Variants in TRIM17 observed in about 807,000 individuals in gnomAD.
TRIM17 encodes the protein E3 ubiquitin-protein ligase TRIM17.
A neutral mutation model predicts 35.8 loss-of-function variants in TRIM17; 27 were observed. That is an observed-to-expected ratio of 0.75 (90% CI 0.56 to 1.04). The LOEUF is 1.04. Among genes scored for constraint, TRIM17 ranks in the 50% least tolerant of loss-of-function variants. The pLI is 0.00. For missense variants in TRIM17, 582 were observed against 612.8 expected (o/e 0.95, Z 0.53); for synonymous variants, 246 against 252.6 (o/e 0.97, Z 0.25).
At chr1:228,409,619 C>G in intron 4 of TRIM17, 1 of 511,642 alleles carries the variant, frequency 2.0e-6, no homozygotes, top group South Asian at 4.0e-5. Flanking sequence ...CTCACCTAAG[C>G]TGAGCTACCC....
At chr1:228,415,428 C>G (rs1280498130) in intron 1 of TRIM17, 2 of 214,064 alleles carry the variant, frequency 9.3e-6, no homozygotes, top group Non-Finnish European at 1.9e-5. Flanking sequence ...AGACCGTTGC[C>G]GGCTAGGCCT....
Position 228,411,185 on chromosome 1 carries a change from G to A in TRIM17, c.526-9C>T. The A allele has an allele frequency of 6.3e-7, 1 of 1,596,782 alleles. No homozygotes were observed. The highest frequency in any genetic ancestry group is 2.3e-5 in the East Asian group (1 of 44,150). On this transcript the variant is annotated splice_polypyrimidine_tract_variant and intron_variant, in intron 3 of 6. Transcript: ENST00000366698. This position sits in a 1 kb window ranked among gnomAD's most constrained non-coding sequence, Gnocchi z 4.2. ...CGCTCCTTCACCTTGCCCTGCAGGA[G>A]TGGAGAAGCCCAGCATGTTGCCAGC...
Position 228,408,678 on chromosome 1 carries a change from G to A in TRIM17, c.957C>T (p.Leu319=), listed in dbSNP as rs112904039. The change falls in exon 7 of 7, where the codon CTC becomes CTT. Residue 319 remains leucine (L), a synonymous_variant. Coordinates refer to ENST00000366698, the MANE Select transcript of TRIM17 (RefSeq NM_016102.4). The surrounding 1 kb of genome is among the most constrained non-coding windows in gnomAD (Gnocchi z 6.3). ...LLYESRQRRY[L]GSSPEGSGFC... is the part of the protein sequence containing the mutation. Reference sequence around the variant, plus strand: ...ACCCACTGCCCTCCGGCGAAGAGCCGAGGTAGCGCCTCTGGCGGCTCTCAT... The same window carrying A: ...ACCCACTGCCCTCCGGCGAAGAGCCAAGGTAGCGCCTCTGGCGGCTCTCAT... The A allele has an allele frequency of 1.9e-5, 31 of 1,610,836 alleles. 1 individual carries two copies. Among genetic ancestry groups the A allele is most frequent in the African/African-American group, 1.5e-4 (11 of 75,054 alleles).
chr1:228,416,553 G>GA lies in TRIM17; in HGVS notation c.-57_-56insT. 1.0e-6 allele frequency: 1 copy of GA among 985,704 alleles called. No homozygotes were observed. Among genetic ancestry groups the GA allele is most frequent in the Non-Finnish European group, 1.2e-6 (1 of 830,302 alleles). 61.1% of individuals were successfully genotyped at this position (985,704 alleles called of 1,614,324 possible). ...GGGCTACTCACCGCGGGGAAGGGGGGCCCGCACAGCGCCTAGTGCACCTGG... is the reference window on the plus strand; with the variant it reads ...GGGCTACTCACCGCGGGGAAGGGGGGACCCGCACAGCGCCTAGTGCACCTGG... On this transcript the variant is annotated 5_prime_UTR_variant, in exon 1 of 7. Transcript: ENST00000366698.
At position 228,414,752 on chromosome 1, in the gene TRIM17, C is replaced by T; in HGVS notation, c.321G>A (p.Lys107=). The change falls in exon 2 of 7, where the codon AAG becomes AAA. Residue 107 remains lysine, a synonymous_variant. Coordinates refer to ENST00000366698, the MANE Select transcript of TRIM17 (RefSeq NM_016102.4). ...GGCTCTGGTCCTTCTGGCAGAAAAG[C>T]TTGAGGGGCTCGTGGTGCTCCTGGC... ...DLCQEHHEPL[K]LFCQKDQSPI... is the part of the protein sequence containing the mutation. 1 of 1,612,958 alleles carries T rather than the reference C, an allele frequency of 6.2e-7. No individual in the cohort carries two copies. The highest frequency in any genetic ancestry group is 8.5e-7 in the Non-Finnish European group (1 of 1,180,038).
At position 228,416,603 on chromosome 1, in the gene TRIM17, C is replaced by A; in HGVS notation, c.-106G>T. On this transcript the variant is annotated 5_prime_UTR_variant, in exon 1 of 7. Transcript: ENST00000366698. ...GCCGAGCGCTCGCTGCCGGGAAAGG[C>A]TGGGTCTGCCCCCACGAAGCCCAGG... The A allele has an allele frequency of 1.0e-6, 1 of 984,990 alleles. No homozygotes were observed. Among genetic ancestry groups the A allele is most frequent in the Non-Finnish European group, 1.2e-6 (1 of 830,090 alleles). 61.0% of individuals were successfully genotyped at this position (984,990 alleles called of 1,614,324 possible). A position where few individuals can be genotyped will look rare whatever the true frequency, so the allele number is the denominator to read the frequency against.
At chr1:228,409,492 G>T in intron 4 of TRIM17, 81 bp from the exon 5 acceptor site, 1 of 1,370,274 alleles carries the variant, frequency 7.3e-7, no homozygotes, top group Non-Finnish European at 9.7e-7. Context: ...TCTTGTCCGT[G>T]TCTTAGGGCA....
At position 228,415,017 on chromosome 1, in the gene TRIM17, C is replaced by G. The variant is rs139410314; in HGVS notation, c.56G>C (p.Cys19Ser). ...KLQEEATCSI[C>S]LDYFTDPVMT... ...CACAGGGTCTGTGAAGTAATCCAGACAGATGGAGCACGTAGCTTCCTCCTG... is the reference window on the plus strand; with the variant it reads ...CACAGGGTCTGTGAAGTAATCCAGAGAGATGGAGCACGTAGCTTCCTCCTG... Residue 19 changes from cysteine to serine, a missense_variant, in exon 2 of 7, where the codon TGT becomes TCT. Transcript: ENST00000366698. 6 of 1,611,618 alleles carry G rather than the reference C, an allele frequency of 3.7e-6. No individual in the cohort carries two copies. Among genetic ancestry groups the G allele is most frequent in the East Asian group, 2.2e-5 (1 of 44,834 alleles).
chr1:228,412,992 C>T (rs1656867534), intron 3 of TRIM17, among the ~76,000 whole-genome samples: 2 of 152,026 alleles, frequency 1.3e-5, no homozygotes, highest in African/African-American at 4.8e-5. Context: ...AGGCAGATCA[C>T]CTGAGGTCAG....
chr1:228,409,215 C>T lies in TRIM17; in HGVS notation c.840G>A (p.Val280=). 1.9e-6 allele frequency: 3 copies of T among 1,614,066 alleles called. No individual in the cohort carries two copies. The highest frequency in any genetic ancestry group is 2.5e-6 in the Non-Finnish European group (3 of 1,179,992). ...EVAPPTRPRT[V]CRVPGQIEVL... ...CTTCAATCTGTCCGGGAACTCTGCA[C>T]ACAGTCCTGGGTCTGGTTGGGGGGG... The change falls in exon 6 of 7, where the codon GTG becomes GTA. Residue 280 remains valine (V), a synonymous_variant. Transcript: ENST00000366698.
chr1:228,415,370 C>T, intron 1 of TRIM17: 1 of 322,886 alleles, frequency 3.1e-6, no homozygotes, highest in Non-Finnish European at 5.7e-6. Context: ...CTTCCGCCTG[C>T]TGCTGGCTAC....
chr1:228,416,418 G>T (rs1002723970), intron 1 of TRIM17, 121 bp downstream of exon 1: 3 of 986,854 alleles, frequency 3.0e-6, no homozygotes, highest in Non-Finnish European at 1.2e-6. Context: ...CTCCAGGGAC[G>T]CGGCGGCCGG....
chr1:228,411,599 C>A lies in TRIM17; in HGVS notation c.526-423G>T, dbSNP rs1048834681. On this transcript the variant is annotated intron_variant, in intron 3 of 6. Transcript: ENST00000366698. The surrounding 1 kb of genome is among the most constrained non-coding windows in gnomAD (Gnocchi z 4.2). ...CTCAAGTCATCTGAGTAGCTGGGAC[C>A]ACAGGCATGCACCACCACATCCAGC... Among the ~76,000 whole-genome samples, 1 of 151,698 alleles carries A rather than the reference C, an allele frequency of 6.6e-6. No individual in the cohort carries two copies. The highest frequency in any genetic ancestry group is 1.5e-5 in the Non-Finnish European group (1 of 67,940).
intron 6 of TRIM17, 47 bp downstream of exon 6, chr1:228,409,125 G>A (rs570541615): frequency 2.4e-5 from 39 of 1,613,890 alleles, no homozygotes; most frequent in East Asian, 1.1e-4. Context: ...GTGGGGCATC[G>A]CCAAGAGATC....
rs1401288802 is a variant in TRIM17, at chr1:228,410,199, A to C, written c.756+747T>G. Among the ~76,000 whole-genome samples, 13 of 151,606 alleles carry C rather than the reference A, an allele frequency of 8.6e-5. No individual in the cohort carries two copies. Among genetic ancestry groups the C allele is most frequent in the Admixed American group, 8.6e-4 (13 of 15,202 alleles). ...CAGCCTTGAACTCACGGGCTCAAGC[A>C]GTCTTCCTGCCTCAGCCTCCTGAGT... On this transcript the variant is annotated intron_variant, in intron 4 of 6. Transcript: ENST00000366698. This position sits in a 1 kb window ranked among gnomAD's most constrained non-coding sequence, Gnocchi z 4.6.
rs1345675582 is a variant in TRIM17, at chr1:228,414,003, G to C, written c.430-111C>G. On this transcript the variant is annotated intron_variant, in intron 2 of 6. Transcript: ENST00000366698. ...CCCACCCCAGAGACCCTCCTCAGGA[G>C]GGGCAGGGGATCAAAATACGTCACC... 3.6e-6 allele frequency: 3 copies of C among 835,502 alleles called. No individual in the cohort carries two copies. The African/African-American group carries it at 5.0e-5, about 14-fold the overall frequency. The allele number at this position is 835,502 out of a possible 1,614,324, so 51.8% of individuals were successfully genotyped here.
chr1:228,413,900 A>G lies in TRIM17; in HGVS notation c.430-8T>C, dbSNP rs1269642199. 1 of 1,613,080 alleles carries G rather than the reference A, an allele frequency of 6.2e-7. No homozygotes were observed. Among genetic ancestry groups the G allele is most frequent in the Non-Finnish European group, 8.5e-7 (1 of 1,179,000 alleles). ...GTCCTCCTCCAGCTTCAACTGTGGG[A>G]CACACAAACCGCAGGATTTGGGATC... On this transcript the variant is annotated splice_region_variant and splice_polypyrimidine_tract_variant and intron_variant, in intron 2 of 6. Coordinates refer to ENST00000366698, the MANE Select transcript of TRIM17 (RefSeq NM_016102.4).
intron 1 of TRIM17, 116 bp downstream of exon 1, chr1:228,416,423 G>A (rs746003288): frequency 4.6e-4 from 454 of 986,700 alleles, no homozygotes; most frequent in Non-Finnish European, 5.2e-4. Flanking sequence ...GGGACGCGGC[G>A]GCCGGCGGAG....
intron 2 of TRIM17, 115 bp downstream of exon 2, chr1:228,414,529 C>T: frequency 1.1e-6 from 1 of 940,422 alleles, no homozygotes; most frequent in Non-Finnish European, 1.6e-6. Flanking sequence ...TCCCCAGCCC[C>T]TGACTCGGGC....
Sources: gnomAD v4.1 joint callset for allele counts (sites outside exome capture counted in the v4.1 genomes callset) on GRCh38, gnomAD v4.1.1 for gene constraint, Gnocchi (gnomAD v3.1) non-coding constraint, MANE v1.5 for transcripts, NCBI Gene and HGNC (gene_info 2026-07-23, HGNC 2026-07-21) for gene names.